The following DLG2 variants were observed in gnomAD, a reference collection of about 807,000 sequenced individuals.
DLG2 encodes the protein disks large homolog 2.
A neutral mutation model predicts 132.5 loss-of-function variants in DLG2; 45 were observed. The observed-to-expected ratio is 0.34, with a 90% confidence interval of 0.27 to 0.44. The LOEUF (loss-of-function observed/expected upper bound fraction) is 0.44, where lower values mean the gene tolerates loss of function less well. Among genes scored for constraint, DLG2 ranks in the 20% least tolerant of loss-of-function variants. The pLI, the probability that DLG2 is intolerant of heterozygous loss-of-function variation, is 1.00. For missense variants in DLG2, 1,045 were observed against 1,196.9 expected, an observed-to-expected ratio of 0.87 and a Z score of 1.87; for synonymous variants, 424 against 419.6, an observed-to-expected ratio of 1.01 and a Z score of -0.13.
chr11:85,006,716 G>C (rs979535426), intron 6 of DLG2, among the ~76,000 whole-genome samples: 1 of 151,306 alleles, frequency 6.6e-6, no homozygotes, highest in African/African-American at 2.4e-5. Flanking sequence ...GGTTTTTCTT[G>C]TCTCTATCTC....
chr11:84,283,186 C>A (rs2097870897), intron 7 of DLG2, among the ~76,000 whole-genome samples: 1 of 152,178 alleles, frequency 6.6e-6, no homozygotes, highest in South Asian at 2.1e-4. Flanking sequence ...GCATATCTAT[C>A]ATTTTACTGC....
intron 19 of DLG2, among the ~76,000 whole-genome samples, chr11:83,556,322 A>G (rs535369018): frequency 3.9e-5 from 6 of 152,154 alleles, no homozygotes; most frequent in Non-Finnish European, 7.4e-5. Context: ...GAAGAAAAAA[A>G]GAAAGAGAGA....
chr11:85,454,812 G>A (rs1031346478), intron 3 of DLG2, among the ~76,000 whole-genome samples: 1 of 151,994 alleles, frequency 6.6e-6, no homozygotes. Context: ...GTTTGTTTTT[G>A]TTAGTTTTGT....
chr11:83,567,779 A>G (rs1321756356), intron 19 of DLG2, among the ~76,000 whole-genome samples: 2 of 152,184 alleles, frequency 1.3e-5, no homozygotes, highest in Non-Finnish European at 2.9e-5. Context: ...TACAAGGTAT[A>G]GAGACCTGAG....
chr11:83,898,275 G>A (rs76341317), intron 15 of DLG2, among the ~76,000 whole-genome samples: 2 of 151,968 alleles, frequency 1.3e-5, no homozygotes, highest in African/African-American at 4.8e-5. Flanking sequence ...CTATATATTG[G>A]ATATGTAAAT....
intron 3 of DLG2, among the ~76,000 whole-genome samples, chr11:85,476,011 A>G (rs1262036697): frequency 6.6e-6 from 1 of 152,150 alleles, no homozygotes; most frequent in Non-Finnish European, 1.5e-5. Flanking sequence ...TGACAGGGAT[A>G]TGTTCTGAGA....
At chr11:84,928,070 T>C (rs1201927080) in intron 6 of DLG2, among the ~76,000 whole-genome samples, 3 of 151,898 alleles carry the variant, frequency 2.0e-5, no homozygotes, top group African/African-American at 7.2e-5. Context: ...AGAGCACAGG[T>C]ATAAAAATTA....
chr11:83,725,626 T>C (rs2089857978), intron 18 of DLG2, among the ~76,000 whole-genome samples: 1 of 152,244 alleles, frequency 6.6e-6, no homozygotes, highest in South Asian at 2.1e-4. Flanking sequence ...AAACTTGTAA[T>C]GCCAACATCA....
chr11:84,628,951 T>C (rs185111423), intron 6 of DLG2, among the ~76,000 whole-genome samples: 2 of 152,288 alleles, frequency 1.3e-5, no homozygotes, highest in East Asian at 3.9e-4. Flanking sequence ...TGACCAGTAT[T>C]CTCCAGCACA....
chr11:83,483,651 A>C (rs1258016375), intron 22 of DLG2, among the ~76,000 whole-genome samples: 1 of 152,188 alleles, frequency 6.6e-6, no homozygotes, highest in Non-Finnish European at 1.5e-5. Context: ...AATGATATCC[A>C]CCATTACAAG....
At chr11:84,275,184 T>C (rs560070515) in intron 7 of DLG2, among the ~76,000 whole-genome samples, 2 of 152,318 alleles carry the variant, frequency 1.3e-5, no homozygotes, top group Admixed American at 6.5e-5. Context: ...TATTCTTTCC[T>C]TTAAAGAGCA....
chr11:84,614,874 T>C (rs951002820), intron 6 of DLG2, among the ~76,000 whole-genome samples: 2 of 152,156 alleles, frequency 1.3e-5, no homozygotes. Context: ...GTTACATCAA[T>C]TGTGCTATAA....
chr11:83,691,646 C>A (rs1199697339), intron 18 of DLG2, among the ~76,000 whole-genome samples: 1 of 152,204 alleles, frequency 6.6e-6, no homozygotes, highest in Non-Finnish European at 1.5e-5. Context: ...GTGCCTGTAA[C>A]AAGCTGCTCT....
chr11:85,502,243 G>A (rs1394462647), intron 3 of DLG2, among the ~76,000 whole-genome samples: 1 of 152,002 alleles, frequency 6.6e-6, no homozygotes, highest in African/African-American at 2.4e-5. Flanking sequence ...ACAGGGAGGG[G>A]AACATCACAC....
At chr11:85,333,727 A>C (rs1298065684) in intron 3 of DLG2, among the ~76,000 whole-genome samples, 2 of 152,068 alleles carry the variant, frequency 1.3e-5, no homozygotes, top group Non-Finnish European at 2.9e-5. Flanking sequence ...TGATGAATCA[A>C]ATTTATTGAT....
At chr11:83,827,690 T>C (rs79369643) in intron 17 of DLG2, among the ~76,000 whole-genome samples, 8,846 of 152,210 alleles carry the variant, frequency 0.058, 306 homozygotes, top group Middle Eastern at 0.1. Context: ...AGACAGGAAA[T>C]AATCTCTTTC....
At chr11:83,716,689 A>G (rs1396928402) in intron 18 of DLG2, among the ~76,000 whole-genome samples, 16 of 152,228 alleles carry the variant, frequency 1.1e-4, no homozygotes, top group Non-Finnish European at 2.1e-4. Flanking sequence ...TTGATCACAT[A>G]ATAGAATGTT....
intron 6 of DLG2, among the ~76,000 whole-genome samples, chr11:84,566,310 C>G (rs61898964): frequency 6.6e-6 from 1 of 151,854 alleles, no homozygotes; most frequent in African/African-American, 2.4e-5. Flanking sequence ...AAACTCTAGT[C>G]AAGTAGAGTC....
chr11:85,072,669 C>T (rs371627932), intron 6 of DLG2, among the ~76,000 whole-genome samples: 2 of 151,730 alleles, frequency 1.3e-5, no homozygotes, highest in African/African-American at 4.8e-5. Context: ...AGTAATTTGT[C>T]CTAGGTTACA....
Sources: gnomAD v4.1 joint callset for allele counts (sites outside exome capture counted in the v4.1 genomes callset) on GRCh38, gnomAD v4.1.1 for gene constraint, MANE v1.5 for transcripts, NCBI Gene and HGNC (gene_info 2026-07-23, HGNC 2026-07-21) for gene names.